Variants in GABRA2 observed in about 807,000 individuals in gnomAD.
GABRA2 encodes gamma-aminobutyric acid receptor subunit alpha-2.
A neutral mutation model predicts 48.7 loss-of-function variants in GABRA2; 16 were observed. That is an observed-to-expected ratio of 0.33 (90% confidence interval 0.22 to 0.50). The LOEUF (loss-of-function observed/expected upper bound fraction) is 0.50. GABRA2 is among the 20% of genes least tolerant of loss of function. The pLI is 0.98. For missense variants in GABRA2, 275 were observed against 535.6 expected, an observed-to-expected ratio of 0.51 and a Z score of 4.80; for synonymous variants, 185 against 184.5, an observed-to-expected ratio of 1.00 and a Z score of -0.02.
intron 3 of GABRA2, among the ~76,000 whole-genome samples, chr4:46,384,680 C>T (rs140654739): frequency 4.3e-4 from 66 of 152,272 alleles, no homozygotes; most frequent in East Asian, 2.1e-3. Flanking sequence ...TCTTAAACCA[C>T]GATTGTGAAT....
chr4:46,292,589 A>G (rs1560486598), intron 8 of GABRA2, among the ~76,000 whole-genome samples: 1 of 152,198 alleles, frequency 6.6e-6, no homozygotes, highest in South Asian at 2.1e-4. Flanking sequence ...GAGATTCTGC[A>G]TTTAATGTTG....
intron 9 of GABRA2, among the ~76,000 whole-genome samples, chr4:46,252,962 G>C (rs1291980515): frequency 6.6e-6 from 1 of 151,334 alleles, no homozygotes; most frequent in African/African-American, 2.4e-5. Context: ...TCTCCTAGTG[G>C]AGTGCAAATC....
chr4:46,318,606 T>C (rs578215003), intron 4 of GABRA2, among the ~76,000 whole-genome samples: 1 of 151,780 alleles, frequency 6.6e-6, no homozygotes, highest in African/African-American at 2.4e-5. Context: ...AGTTATTACC[T>C]GATTTGTGTT....
At chr4:46,344,802 A>C (rs1379834572) in intron 3 of GABRA2, among the ~76,000 whole-genome samples, 1 of 151,960 alleles carries the variant, frequency 6.6e-6, no homozygotes, top group Non-Finnish European at 1.5e-5. Flanking sequence ...TAGTGGTAAG[A>C]AAGTTGAAGA....
rs1360027397 is a variant in GABRA2 at position 46,340,263 on chromosome 4, A to C, written c.188-7581T>G. On this transcript the variant is annotated intron_variant, in intron 3 of 9. Transcript: ENST00000381620. ...TGTAATATAAAATACACCCTTCTAA[A>C]GTGTACAATTTAGTGCTTTTTGGTA... Among the ~76,000 whole-genome samples, 3 of 151,872 alleles carry C rather than the reference A, an allele frequency of 2.0e-5. No individual in the cohort carries two copies. The East Asian group carries it at 5.8e-4, about 29-fold the overall frequency.
At chr4:46,379,272 A>G (rs1240173151) in intron 3 of GABRA2, among the ~76,000 whole-genome samples, 1 of 152,210 alleles carries the variant, frequency 6.6e-6, no homozygotes. Context: ...TGCCATATGG[A>G]GAGAAGTGGG....
intron 8 of GABRA2, among the ~76,000 whole-genome samples, chr4:46,289,696 T>C (rs899350377): frequency 6.6e-6 from 1 of 152,130 alleles, no homozygotes; most frequent in African/African-American, 2.4e-5. Context: ...CCCCTGAACA[T>C]AAATAAAAGT....
At chr4:46,273,044 T>A (rs1047698473) in intron 8 of GABRA2, among the ~76,000 whole-genome samples, 18 of 124,874 alleles carry the variant, frequency 1.4e-4, no homozygotes, top group Non-Finnish European at 2.3e-4. Flanking sequence ...ATTCCTCCCC[T>A]AGCCCCCCAC....
At chr4:46,372,591 C>A (rs1715064839) in intron 3 of GABRA2, among the ~76,000 whole-genome samples, 1 of 152,170 alleles carries the variant, frequency 6.6e-6, no homozygotes, top group South Asian at 2.1e-4. Context: ...AATTAACCCC[C>A]ATTGAAGTCA....
chr4:46,257,826 T>G (rs529375603), intron 9 of GABRA2, among the ~76,000 whole-genome samples: 4 of 151,570 alleles, frequency 2.6e-5, no homozygotes, highest in Non-Finnish European at 5.9e-5. Flanking sequence ...CTAAGATATG[T>G]AAGGAGAATA....
Position 46,385,559 on chromosome 4 carries a change from A to G in GABRA2, c.187+515T>C, listed in dbSNP as rs1578249786. Among the ~76,000 whole-genome samples, 9 of 152,228 alleles carry G rather than the reference A, an allele frequency of 5.9e-5. No homozygotes were observed. The South Asian group carries it at 1.9e-3, about 32-fold the overall frequency. Reference sequence around the variant, plus strand: ...TGAAATGTCTTTGAAAGTTTCAAGAATAACAAAGTTGTGCTGTATTCTAGA... The same window carrying G: ...TGAAATGTCTTTGAAAGTTTCAAGAGTAACAAAGTTGTGCTGTATTCTAGA... On this transcript the variant is annotated intron_variant, in intron 3 of 9. Coordinates refer to ENST00000381620, the MANE Select transcript of GABRA2 (RefSeq NM_000807.4).
intron 4 of GABRA2, among the ~76,000 whole-genome samples, chr4:46,321,181 T>C (rs1342219746): frequency 6.6e-6 from 1 of 151,750 alleles, no homozygotes; most frequent in Non-Finnish European, 1.5e-5. Context: ...GAGAGAAAGG[T>C]ACGTTGGTTG....
intron 2 of GABRA2, among the ~76,000 whole-genome samples, chr4:46,388,066 A>G (rs564192763): frequency 6.6e-6 from 1 of 151,114 alleles, no homozygotes; most frequent in South Asian, 2.1e-4. Flanking sequence ...AGCATTTGAG[A>G]AAAAAATCTT....
intron 3 of GABRA2, among the ~76,000 whole-genome samples, chr4:46,350,580 A>C (rs927709444): frequency 6.6e-6 from 1 of 151,738 alleles, no homozygotes; most frequent in Non-Finnish European, 1.5e-5. Flanking sequence ...CTTAATTTTG[A>C]TGTTGAACTG....
rs1724459497 is a variant in GABRA2 at position 46,295,466 on chromosome 4, CAGA to C, written c.856+7991_856+7993del. ...AGTGCTCACCAATGGGTGACCTCAG[CAGA>C]AGAGGACTTTAATAATGAAGTGGAT... On this transcript the variant is annotated intron_variant, in intron 8 of 9. Transcript: ENST00000381620. Among the ~76,000 whole-genome samples the C allele has an allele frequency of 2.6e-5, 4 of 152,294 alleles. No individual in the cohort carries two copies. In the South Asian group the frequency reaches 8.3e-4, roughly 32 times the overall value.
At chr4:46,338,218 T>C (rs950039676) in intron 3 of GABRA2, among the ~76,000 whole-genome samples, 1 of 152,008 alleles carries the variant, frequency 6.6e-6, no homozygotes, top group Admixed American at 6.6e-5. Flanking sequence ...AAGAAGTGAA[T>C]TCATATTGAC....
chr4:46,289,301 C>T (rs1270149951), intron 8 of GABRA2, among the ~76,000 whole-genome samples: 1 of 152,160 alleles, frequency 6.6e-6, no homozygotes, highest in Non-Finnish European at 1.5e-5. Flanking sequence ...ATGGAATCAA[C>T]TTAAATGCCC....
chr4:46,263,121 A>G (rs561862260), intron 8 of GABRA2, among the ~76,000 whole-genome samples: 1 of 152,228 alleles, frequency 6.6e-6, no homozygotes, highest in Non-Finnish European at 1.5e-5. Context: ...ATGTGTATAT[A>G]CATACAATAT....
intron 8 of GABRA2, among the ~76,000 whole-genome samples, chr4:46,298,908 A>G (rs1725233032): frequency 6.6e-6 from 1 of 151,768 alleles, no homozygotes; most frequent in South Asian, 2.1e-4. Flanking sequence ...TTCTAGTATA[A>G]TACCTAGGTT....
Sources: allele counts gnomAD v4.1 joint callset (sites outside exome capture counted in the v4.1 genomes callset), GRCh38; gene constraint gnomAD v4.1.1; transcripts MANE v1.5; gene names NCBI Gene and HGNC (gene_info 2026-07-23, HGNC 2026-07-21).